Variants in DOCK2 observed in about 807,000 individuals in gnomAD.
DOCK2 encodes dedicator of cytokinesis 2.
A neutral mutation model predicts 248.9 loss-of-function variants in DOCK2; 87 were observed. That is an observed-to-expected ratio of 0.35 (90% CI 0.29 to 0.42). The LOEUF is 0.42. DOCK2 is among the 10% of genes least tolerant of loss of function. The pLI, the probability that DOCK2 is intolerant of heterozygous loss-of-function variation, is 1.00. For synonymous variants in DOCK2, 805 were observed against 821.6 expected, an observed-to-expected ratio of 0.98 and a Z score of 0.35; for missense variants, 1,747 against 2,300.2, an observed-to-expected ratio of 0.76 and a Z score of 4.92.
chr5:169,963,178 G>A (rs1348484615), intron 27 of DOCK2, among the ~76,000 whole-genome samples: 1 of 152,184 alleles, frequency 6.6e-6, no homozygotes, highest in Non-Finnish European at 1.5e-5. Flanking sequence ...GGGAAGGCCT[G>A]AGGATGCTCT....
At chr5:169,958,726 G>A (rs1776962753) in intron 27 of DOCK2, among the ~76,000 whole-genome samples, 1 of 152,164 alleles carries the variant, frequency 6.6e-6, no homozygotes, top group South Asian at 2.1e-4. Context: ...AAAAGCTGGT[G>A]TGCAGCAATG....
chr5:169,644,698 T>C (rs1166090463), intron 1 of DOCK2, among the ~76,000 whole-genome samples: 2 of 151,888 alleles, frequency 1.3e-5, no homozygotes, highest in East Asian at 1.9e-4. Context: ...TAGGTATACA[T>C]GTGCCATGGT....
chr5:169,965,303 T>G (rs911934547), intron 27 of DOCK2, among the ~76,000 whole-genome samples: 4 of 152,246 alleles, frequency 2.6e-5, no homozygotes, highest in African/African-American at 7.2e-5. Flanking sequence ...CAGTTCTTCA[T>G]TTCTAAGAAG....
intron 27 of DOCK2, among the ~76,000 whole-genome samples, chr5:169,948,846 A>C (rs527667706): frequency 6.6e-6 from 1 of 150,790 alleles, no homozygotes; most frequent in African/African-American, 2.4e-5. Flanking sequence ...TTTTTTCTTC[A>C]GCTCCCCAGT....
At chr5:169,981,882 T>C (rs1205599600) in intron 27 of DOCK2, among the ~76,000 whole-genome samples, 1 of 152,224 alleles carries the variant, frequency 6.6e-6, no homozygotes. Flanking sequence ...ACATAACTTT[T>C]ATATGCACTG....
At chr5:169,974,606 G>C (rs1268872266) in intron 27 of DOCK2, among the ~76,000 whole-genome samples, 1 of 152,178 alleles carries the variant, frequency 6.6e-6, no homozygotes, top group Non-Finnish European at 1.5e-5. Flanking sequence ...TTGCAGGAAA[G>C]AGTGGGAGCG....
chr5:169,911,816 G>T (rs894521728), intron 27 of DOCK2, among the ~76,000 whole-genome samples: 1 of 152,208 alleles, frequency 6.6e-6, no homozygotes, highest in African/African-American at 2.4e-5. Context: ...TCCACGGAAA[G>T]CCTAGATGCC....
rs149939776 is a variant in DOCK2, at chr5:170,078,660, G to A, written c.4995-315G>A. ...TTATTCATTCAGCTAAGAACTGGCCGTGCCTGGATTTGAATCCACATTCAT... is the reference window on the plus strand; with the variant it reads ...TTATTCATTCAGCTAAGAACTGGCCATGCCTGGATTTGAATCCACATTCAT... On this transcript the variant is annotated intron_variant, in intron 48 of 51. Transcript: ENST00000520908. 8.3e-4 allele frequency among the ~76,000 whole-genome samples: 127 copies of A among 152,336 alleles called. 2 individuals carry two copies. The Middle Eastern group carries it at 0.014, about 16-fold the overall frequency.
intron 27 of DOCK2, chr5:169,881,508 C>A: frequency 1.6e-6 from 2 of 1,241,858 alleles, no homozygotes; most frequent in Non-Finnish European, 2.3e-6. Flanking sequence ...AAACATTCAA[C>A]CTACTTGTCC....
At chr5:169,918,478 T>C (rs989316631) in intron 27 of DOCK2, among the ~76,000 whole-genome samples, 2 of 152,220 alleles carry the variant, frequency 1.3e-5, no homozygotes, top group African/African-American at 4.8e-5. Context: ...AGAATATTCA[T>C]GCTGAGAGCA....
intron 25 of DOCK2, among the ~76,000 whole-genome samples, chr5:169,788,245 G>C (rs1453810570): frequency 6.6e-6 from 1 of 152,136 alleles, no homozygotes; most frequent in Non-Finnish European, 1.5e-5. Flanking sequence ...CATATGGAAT[G>C]CTTGGCATTT....
intron 27 of DOCK2, among the ~76,000 whole-genome samples, chr5:169,963,972 C>T (rs1777195585): frequency 6.6e-6 from 1 of 152,084 alleles, no homozygotes; most frequent in African/African-American, 2.4e-5. Context: ...GAGAGAACCA[C>T]TGCTTCAAGG....
In DOCK2 at chr5:169,770,373, G is replaced by A. The variant is rs143121636; in HGVS notation, c.2554+8748G>A. ...CACAGTGGCACAGTCATAGCTTATT[G>A]TAACCCTGAGCTCCTGGACTCAAGC... On this transcript the variant is annotated intron_variant, in intron 25 of 51. Transcript: ENST00000520908. 9.4e-3 allele frequency among the ~76,000 whole-genome samples: 1,182 copies of A among 126,092 alleles called. 10 individuals carry two copies. The highest frequency in any genetic ancestry group is 0.034 in the African/African-American group (1,110 of 33,094). The allele number at this position is 126,092 out of a possible 152,430, so 82.7% of individuals were successfully genotyped here.
chr5:170,050,689 C>T (rs548133310), intron 41 of DOCK2, among the ~76,000 whole-genome samples: 4 of 152,140 alleles, frequency 2.6e-5, no homozygotes, highest in East Asian at 1.9e-4. Flanking sequence ...TAAGGAAAGA[C>T]GCTTGCTCTG....
At chr5:170,068,267 G>A (rs1461486864) in intron 45 of DOCK2, among the ~76,000 whole-genome samples, 1 of 152,168 alleles carries the variant, frequency 6.6e-6, no homozygotes, top group African/African-American at 2.4e-5. Flanking sequence ...ACTTATATGA[G>A]TTACATTATC....
chr5:170,018,518 T>C (rs1755612590), intron 32 of DOCK2, among the ~76,000 whole-genome samples: 3 of 152,256 alleles, frequency 2.0e-5, no homozygotes, highest in Admixed American at 1.3e-4. Flanking sequence ...GAGTTCTTAG[T>C]AGCAAATTTT....
chr5:169,849,481 A>T (rs1402026992), intron 27 of DOCK2, among the ~76,000 whole-genome samples: 1 of 152,218 alleles, frequency 6.6e-6, no homozygotes, highest in South Asian at 2.1e-4. Context: ...GAGCACTTTG[A>T]ACTCAGTTGC....
chr5:169,813,660 A>G (rs988307686), intron 26 of DOCK2, among the ~76,000 whole-genome samples: 3 of 152,218 alleles, frequency 2.0e-5, no homozygotes, highest in African/African-American at 7.2e-5. Flanking sequence ...TGCTCCAGGG[A>G]TGTAGTGTTT....
chr5:169,808,511 T>C (rs4867892), intron 26 of DOCK2, among the ~76,000 whole-genome samples: 41,252 of 151,724 alleles, frequency 0.27, 5,617 homozygotes, highest in Admixed American at 0.3. Flanking sequence ...AGCTTGCTCC[T>C]GGTCTCTTAG....
Sources: allele counts gnomAD v4.1 joint callset (sites outside exome capture counted in the v4.1 genomes callset), GRCh38; gene constraint gnomAD v4.1.1; transcripts MANE v1.5; gene names NCBI Gene and HGNC (gene_info 2026-07-23, HGNC 2026-07-21).